USP20: variants seen among roughly 807,000 people sequenced by gnomAD.
USP20 encodes the protein ubiquitin carboxyl-terminal hydrolase 20.
A neutral mutation model predicts 124.2 loss-of-function variants in USP20; 80 were observed. The observed-to-expected ratio is 0.64, with a 90% confidence interval of 0.54 to 0.78. USP20 has a LOEUF of 0.78. Ranked by LOEUF, USP20 falls within the 30% of genes least tolerant of loss-of-function variation. The probability of loss-of-function intolerance (pLI) is 0.00; values close to 1 mark genes in which losing one functional copy is unlikely to be tolerated. For missense variants in USP20, 1,043 were observed against 1,244.4 expected, an observed-to-expected ratio of 0.84 and a Z score of 2.44; for synonymous variants, 481 against 512.3, an observed-to-expected ratio of 0.94 and a Z score of 0.83.
intron 9 of USP20, among the ~76,000 whole-genome samples, chr9:129,864,298 G>T (rs768294848): frequency 6.7e-6 from 1 of 150,194 alleles, no homozygotes; most frequent in Non-Finnish European, 1.5e-5. Context: ...GCAAGACCCC[G>T]CCTCTACAAA....
Position 129,868,857 on chromosome 9 carries a change from C to G in USP20, c.1136-5C>G, listed in dbSNP as rs761825066. 8.8e-5 allele frequency: 136 copies of G among 1,553,092 alleles called. No homozygotes were observed. Among genetic ancestry groups the G allele is most frequent in the Non-Finnish European group, 1.2e-4 (133 of 1,146,196 alleles). On this transcript the variant is annotated splice_region_variant and splice_polypyrimidine_tract_variant and intron_variant, in intron 11 of 25. Coordinates refer to ENST00000372429, the MANE Select transcript of USP20 (RefSeq NM_001110303.4). The stretch of plus-strand genomic sequence containing the variant: ...GGCCCAGCATGGTACCCTCTCTGCC[C>G]CCAGAGCCGGACAATGATGCTCACC...
intron 1 of USP20, among the ~76,000 whole-genome samples, chr9:129,842,612 T>A (rs540826814): frequency 1.3e-5 from 2 of 151,684 alleles, no homozygotes; most frequent in South Asian, 2.1e-4. Context: ...TTTTTTTTTT[T>A]AGACGGAGTC....
At position 129,839,841 on chromosome 9, in the gene USP20, A is replaced by C. The variant is rs1442914134; in HGVS notation, c.-129+4342A>C. ...CCAGATGTGCTGCCTACCTAGGACCACAGGCTGTGCTGGCTGGTCCCTCCC... is the reference window on the plus strand; with the variant it reads ...CCAGATGTGCTGCCTACCTAGGACCCCAGGCTGTGCTGGCTGGTCCCTCCC... On this transcript the variant is annotated intron_variant, in intron 1 of 25. Transcript: ENST00000372429. The surrounding 1 kb of genome is among the most constrained non-coding windows in gnomAD (Gnocchi z 4.5). Among the ~76,000 whole-genome samples, 1 of 152,160 alleles carries C rather than the reference A, an allele frequency of 6.6e-6. No individual in the cohort carries two copies. The highest frequency in any genetic ancestry group is 2.4e-5 in the African/African-American group (1 of 41,434).
chr9:129,868,983 G>T lies in USP20; in HGVS notation c.1257G>T (p.Pro419=). 1 of 1,610,908 alleles carries T rather than the reference G, an allele frequency of 6.2e-7. No individual in the cohort carries two copies. Residue 419 remains proline (P), a synonymous_variant, in exon 12 of 26, where the codon CCG becomes CCT. Coordinates refer to ENST00000372429, the MANE Select transcript of USP20 (RefSeq NM_001110303.4). ...GTGCAAGCCCCGTGAGGATGGCACC[G>T]TCGTACGTGCTCAAGAAAGGTTCGG... The part of the protein sequence containing the change: ...PPRASPVRMA[P]SYVLKKAQVL...
chr9:129,868,024 G>A lies in USP20; in HGVS notation c.710G>A (p.Arg237His), dbSNP rs753173560. 26 of 1,613,530 alleles carry A rather than the reference G, an allele frequency of 1.6e-5. No homozygotes were observed. Among genetic ancestry groups the A allele is most frequent in the Non-Finnish European group, 2.0e-5 (24 of 1,179,762 alleles). The change falls in exon 11 of 26, where the codon CGC becomes CAC. Residue 237 changes from arginine (R) to histidine (H), a missense_variant. Physicochemically the swap from Arg to His is conservative, Grantham distance 29. Transcript: ENST00000372429. Reference protein sequence around the residue: ...YAQQDTQEFLRCLMDQLHEEL... With the variant: ...YAQQDTQEFLHCLMDQLHEEL... ...TTCTAGGACACCCAAGAGTTCCTTC[G>A]CTGCCTGATGGACCAGCTGCACGAG...
intron 1 of USP20, among the ~76,000 whole-genome samples, chr9:129,847,321 T>A (rs865972256): frequency 2.8e-5 from 4 of 142,874 alleles, no homozygotes; most frequent in African/African-American, 5.3e-5. Context: ...TTTTTTTTTT[T>A]AGATGGAGTC....
Position 129,869,812 on chromosome 9 carries a change from C to T in USP20, c.1533C>T (p.Gly511=), listed in dbSNP as rs2131086913. The change falls in exon 14 of 26, where the codon GGC becomes GGT. Residue 511 remains glycine (G), a synonymous_variant. Transcript: ENST00000372429. ...GACGDSYAAQ[G]WLAFIVEYIR... Reference sequence around the variant, plus strand: ...GTGGGGACAGCTATGCCGCCCAGGGCTGGCTGGCCTTCATTGTGGAGTACA... The same window carrying T: ...GTGGGGACAGCTATGCCGCCCAGGGTTGGCTGGCCTTCATTGTGGAGTACA... 5 of 1,613,986 alleles carry T rather than the reference C, an allele frequency of 3.1e-6. No homozygotes were observed. Among genetic ancestry groups the T allele is most frequent in the Non-Finnish European group, 1.7e-6 (2 of 1,180,024 alleles).
intron 3 of USP20, among the ~76,000 whole-genome samples, chr9:129,856,089 C>G (rs749374147): frequency 6.6e-6 from 1 of 152,212 alleles, no homozygotes; most frequent in Non-Finnish European, 1.5e-5. Flanking sequence ...TTTACAGGCA[C>G]AGGATAGAAT....
At position 129,852,644 on chromosome 9, in the gene USP20, G is replaced by A. The variant is rs1478249087; in HGVS notation, c.81+8G>A. ...TTGCTGCTCAAATCTAAGGTAAAGG[G>A]TCAGACCTTACGGGGCCAGGGCCCA... On this transcript the variant is annotated splice_region_variant and intron_variant, in intron 3 of 25. Transcript: ENST00000372429. The A allele has an allele frequency of 1.3e-6, 2 of 1,581,190 alleles. No homozygotes were observed. The highest frequency in any genetic ancestry group is 1.7e-6 in the Non-Finnish European group (2 of 1,162,044).
chr9:129,873,849 C>A, intron 17 of USP20, 105 bp downstream of exon 17: 1 of 1,382,702 alleles, frequency 7.2e-7, no homozygotes, highest in Non-Finnish European at 1.0e-6. Context: ...CACTTCTGTG[C>A]TGCAGGGGCC....
In USP20 at chr9:129,858,000, C is replaced by T. The variant is rs753049371; in HGVS notation, c.136-50C>T. 3.3e-5 allele frequency: 51 copies of T among 1,540,594 alleles called. 1 individual carries two copies. In the East Asian group the frequency reaches 1.1e-3, roughly 34 times the overall value. ...GATGGAACCAGAGACACTGTGTTGACACCATCCTTTTGGCAAGCTCCAGTC... is the reference window on the plus strand; with the variant it reads ...GATGGAACCAGAGACACTGTGTTGATACCATCCTTTTGGCAAGCTCCAGTC... On this transcript the variant is annotated intron_variant, in intron 4 of 25. Coordinates refer to ENST00000372429, the MANE Select transcript of USP20 (RefSeq NM_001110303.4).
At chr9:129,854,615 C>T (rs973456379) in intron 3 of USP20, among the ~76,000 whole-genome samples, 2 of 149,464 alleles carry the variant, frequency 1.3e-5, no homozygotes, top group African/African-American at 4.9e-5. Context: ...AGCAAGCATT[C>T]GATACTTTTA....
intron 16 of USP20, 24 bp from the exon 17 acceptor site, chr9:129,873,675 T>A (rs1353112851): frequency 6.2e-7 from 1 of 1,613,570 alleles, no homozygotes; most frequent in African/African-American, 1.3e-5. Context: ...CGGACACTGA[T>A]GCTGGCTCGT....
At chr9:129,871,252 AG>A (rs56753759) in intron 15 of USP20, among the ~76,000 whole-genome samples, 129,597 of 151,996 alleles carry the variant, frequency 0.85, 56,110 homozygotes, top group East Asian at 1. Flanking sequence ...GCCTCATAGA[AG>A]TGGAATTATA....
intron 3 of USP20, among the ~76,000 whole-genome samples, chr9:129,853,734 G>T (rs962467962): frequency 1.2e-4 from 19 of 152,200 alleles, no homozygotes; most frequent in African/African-American, 4.6e-4. Flanking sequence ...GGATGTGTTT[G>T]CACTGTCTGG....
chr9:129,873,400 G>A (rs1467595098), intron 15 of USP20, 82 bp from the exon 16 acceptor site: 2 of 1,549,970 alleles, frequency 1.3e-6, no homozygotes, highest in Non-Finnish European at 1.8e-6. Context: ...TATTTCTTAA[G>A]CAGAAATCAT....
At chr9:129,878,309 G>A in intron 22 of USP20, 29 bp from the exon 23 acceptor site, 1 of 1,547,412 alleles carries the variant, frequency 6.5e-7, no homozygotes. Flanking sequence ...CCTGCCCTCT[G>A]TCTCCTCCCG....
Position 129,874,642 on chromosome 9 carries a change from G to T in USP20, c.1807G>T (p.Val603Phe). Residue 603 changes from valine to phenylalanine, a missense_variant, in exon 18 of 26, where the codon GTC (valine) becomes TTC (phenylalanine). Transcript: ENST00000372429. The part of the protein sequence containing the change: ...VMYSFKINSH[V>F]SFPLEGLDLR... ...GTACTCATTCAAGATCAACAGCCAC[G>T]TCTCCTTCCCCCTCGAGGGGCTCGA... is the stretch of plus-strand genomic sequence containing the variant. 11 of 1,613,882 alleles carry T rather than the reference G, an allele frequency of 6.8e-6. No individual in the cohort carries two copies. Among genetic ancestry groups the T allele is most frequent in the Non-Finnish European group, 9.3e-6 (11 of 1,180,020 alleles).
At position 129,879,807 on chromosome 9, in the gene USP20, G is replaced by A. The variant is rs1339199781; in HGVS notation, c.2584+163G>A. Among the ~76,000 whole-genome samples, 1 of 152,102 alleles carries A rather than the reference G, an allele frequency of 6.6e-6. No individual in the cohort carries two copies. The highest frequency in any genetic ancestry group is 1.5e-5 in the Non-Finnish European group (1 of 68,028). Reference sequence around the variant, plus strand: ...AGGCGGCTGAGAGATGGCCCAAGGGGCTTGGTCTCTGCTTGTGTCCTCCAG... The same window carrying A: ...AGGCGGCTGAGAGATGGCCCAAGGGACTTGGTCTCTGCTTGTGTCCTCCAG... On this transcript the variant is annotated intron_variant, in intron 24 of 25. Transcript: ENST00000372429. The surrounding 1 kb of genome is among the most constrained non-coding windows in gnomAD (Gnocchi z 4.2).
Sources: gnomAD v4.1 joint callset for allele counts (sites outside exome capture counted in the v4.1 genomes callset) on GRCh38, gnomAD v4.1.1 for gene constraint, Gnocchi (gnomAD v3.1) non-coding constraint, MANE v1.5 for transcripts, NCBI Gene and HGNC (gene_info 2026-07-23, HGNC 2026-07-21) for gene names.